The following TNFRSF10B variants were observed in gnomAD, a reference collection of about 807,000 sequenced individuals.
TNFRSF10B encodes the protein tumor necrosis factor receptor superfamily member 10B.
Under a neutral mutation model 41.4 loss-of-function variants are expected in TNFRSF10B, and 35 were observed. The observed-to-expected ratio is 0.85, with a 90% confidence interval of 0.65 to 1.12. The LOEUF (loss-of-function observed/expected upper bound fraction) is 1.12, where lower values mean the gene tolerates loss of function less well. TNFRSF10B is among the 50% of genes most tolerant of loss of function. The pLI, the probability that TNFRSF10B is intolerant of heterozygous loss-of-function variation, is 0.00. For missense variants in TNFRSF10B, 584 were observed against 552.7 expected (o/e 1.06, Z -0.57); for synonymous variants, 230 against 215.5 (o/e 1.07, Z -0.59).
At position 23,068,966 on chromosome 8, in the gene TNFRSF10B, G is replaced by A. The variant is rs771380556; in HGVS notation, c.-72C>T. 33 of 1,610,448 alleles carry A rather than the reference G, an allele frequency of 2.0e-5. No homozygotes were observed. The highest frequency in any genetic ancestry group is 1.5e-4 in the African/African-American group (11 of 74,872). On this transcript the variant is annotated 5_prime_UTR_variant, in exon 1 of 9. Transcript: ENST00000276431. ...CCCTTAAAGTAGATCGGGCATCGTC[G>A]GTGTATTTTGTGGGCGCAGAGATTG...
At chr8:23,050,612 CAG>C (rs796076031) in intron 1 of TNFRSF10B, among the ~76,000 whole-genome samples, 1 of 152,168 alleles carries the variant, frequency 6.6e-6, no homozygotes, top group African/African-American at 2.4e-5. Context: ...AGCTATTAAA[CAG>C]AAGCTACTCT....
At position 23,021,223 on chromosome 8, in the gene TNFRSF10B, CCTT is replaced by C. The variant is rs1209584182; in HGVS notation, c.*1445_*1447del. 6.6e-6 allele frequency: 3 copies of C among 454,076 alleles called. No individual in the cohort carries two copies. The highest frequency in any genetic ancestry group is 1.3e-5 in the Non-Finnish European group (3 of 226,790). 28.1% of individuals were successfully genotyped at this position (454,076 alleles called of 1,614,324 possible). A position where few individuals can be genotyped will look rare whatever the true frequency, so the allele number is the denominator to read the frequency against. On this transcript the variant is annotated 3_prime_UTR_variant, in exon 9 of 9. Transcript: ENST00000276431. ...AATAGAACAGGACACAAGAAGAAAACCTTAATGCGTCAGCCATTCTAGGTCCTG... is the reference window on the plus strand; with the variant it reads ...AATAGAACAGGACACAAGAAGAAAACAATGCGTCAGCCATTCTAGGTCCTG...
chr8:23,052,520 T>C (rs1812554303), intron 1 of TNFRSF10B, among the ~76,000 whole-genome samples: 1 of 151,910 alleles, frequency 6.6e-6, no homozygotes, highest in South Asian at 2.1e-4. Flanking sequence ...TCTCCTGACC[T>C]TGTGATCCGC....
At position 23,024,870 on chromosome 8, in the gene TNFRSF10B, G is replaced by A. The variant is rs187617470; in HGVS notation, c.937-610C>T. ...AAACCACATAGCAGAGGCCAGGCAT[G>A]GTGGCTCACACCTGTAATCCCAGCA... On this transcript the variant is annotated intron_variant, in intron 7 of 8. Transcript: ENST00000276431. Among the ~76,000 whole-genome samples, 7 of 152,108 alleles carry A rather than the reference G, an allele frequency of 4.6e-5. No homozygotes were observed. The East Asian group carries it at 1.4e-3, about 30-fold the overall frequency.
chr8:23,065,532 T>G (rs1394795835), intron 1 of TNFRSF10B, among the ~76,000 whole-genome samples: 1 of 152,208 alleles, frequency 6.6e-6, no homozygotes, highest in East Asian at 1.9e-4. Flanking sequence ...CTGGGAGATC[T>G]GCATGTTCCC....
intron 1 of TNFRSF10B, among the ~76,000 whole-genome samples, chr8:23,059,382 C>G (rs1812758524): frequency 6.6e-6 from 1 of 152,202 alleles, no homozygotes; most frequent in Non-Finnish European, 1.5e-5. Context: ...ATCTGCTAAT[C>G]CTGTTTTTAC....
intron 1 of TNFRSF10B, among the ~76,000 whole-genome samples, chr8:23,055,521 T>TAAAAAAAAAAAAAAAAAAAAA (rs34761330): frequency 8.3e-6 from 1 of 120,546 alleles, no homozygotes; most frequent in African/African-American, 3.1e-5. Context: ...ATTAAATGCT[T>TAAAAAAAAAAAAAAAAAAAAA]AAAAAAAAAA....
At chr8:23,024,834 T>G (rs1000526098) in intron 7 of TNFRSF10B, among the ~76,000 whole-genome samples, 1 of 151,350 alleles carries the variant, frequency 6.6e-6, no homozygotes, top group Non-Finnish European at 1.5e-5. Context: ...CACCTAGCCC[T>G]GATGAATGTT....
At chr8:23,037,841 TGTG>T (rs1812067204) in intron 2 of TNFRSF10B, among the ~76,000 whole-genome samples, 1 of 152,220 alleles carries the variant, frequency 6.6e-6, no homozygotes, top group African/African-American at 2.4e-5. Context: ...CTAGGATTCA[TGTG>T]TCCAGGAATC....
At chr8:23,053,040 G>GT (rs2128818788) in intron 1 of TNFRSF10B, among the ~76,000 whole-genome samples, 1 of 152,348 alleles carries the variant, frequency 6.6e-6, no homozygotes, top group South Asian at 2.1e-4. Context: ...GATTGTCTGT[G>GT]TAAGTTGTGA....
intron 1 of TNFRSF10B, among the ~76,000 whole-genome samples, chr8:23,045,938 A>C (rs1193068831): frequency 7.1e-6 from 1 of 141,610 alleles, no homozygotes; most frequent in Admixed American, 6.8e-5. Flanking sequence ...GAATGTATCA[A>C]CACAAAAAAA....
At chr8:23,053,487 A>C (rs1011845367) in intron 1 of TNFRSF10B, among the ~76,000 whole-genome samples, 6 of 91,104 alleles carry the variant, frequency 6.6e-5, no homozygotes, top group African/African-American at 2.3e-4. Flanking sequence ...TGGATAAAAT[A>C]AAAATGAAAG....
chr8:23,022,908 G>A lies in TNFRSF10B; in HGVS notation c.1086C>T (p.Gly362=). Reference sequence around the variant, plus strand: ...CCACCTTTATCTCATTGTCCATGAGGCCCAACTTCCTCATGAGCGGCTCCC... The same window carrying A: ...CCACCTTTATCTCATTGTCCATGAGACCCAACTTCCTCATGAGCGGCTCCC... The part of the protein sequence containing the change: ...DSWEPLMRKL[G]LMDNEIKVAK... Residue 362 remains glycine (G), a synonymous_variant, in exon 9 of 9, where the codon GGC becomes GGT. Coordinates refer to ENST00000276431, the MANE Select transcript of TNFRSF10B (RefSeq NM_003842.5). 6.2e-7 allele frequency: 1 copy of A among 1,614,030 alleles called. No individual in the cohort carries two copies.
chr8:23,061,091 G>A (rs953798731), intron 1 of TNFRSF10B, among the ~76,000 whole-genome samples: 2 of 152,024 alleles, frequency 1.3e-5, no homozygotes, highest in African/African-American at 2.4e-5. Context: ...AAGACATCCT[G>A]ATATCCCTGA....
intron 8 of TNFRSF10B, 142 bp from the exon 9 acceptor site, chr8:23,023,126 T>C (rs991911174): frequency 1.8e-6 from 2 of 1,085,334 alleles, no homozygotes; most frequent in Non-Finnish European, 2.7e-6. Flanking sequence ...GCCCACCCGC[T>C]TCCCATCCAC....
chr8:23,040,233 ATAC>A (rs1218321098), intron 2 of TNFRSF10B, among the ~76,000 whole-genome samples: 1 of 144,480 alleles, frequency 6.9e-6, no homozygotes, highest in African/African-American at 2.6e-5. Context: ...TTTAAGATAT[ATAC>A]TAAGTATATA....
intron 1 of TNFRSF10B, among the ~76,000 whole-genome samples, chr8:23,046,615 TAAAAAA>T (rs147614589): frequency 5.4e-5 from 7 of 129,844 alleles, no homozygotes; most frequent in African/African-American, 1.8e-4. Context: ...TATGCAACCA[TAAAAAA>T]AAAAAAAAAA....
chr8:23,062,166 A>G (rs149829967), intron 1 of TNFRSF10B, among the ~76,000 whole-genome samples: 148 of 152,250 alleles, frequency 9.7e-4, no homozygotes, highest in Middle Eastern at 3.4e-3. Flanking sequence ...TTTAATTAAT[A>G]GTATTGAAGA....
rs1217962343 is a variant in TNFRSF10B at position 23,021,557 on chromosome 8, G to C, written c.*1114C>G. ...TGACATAGACCCTATTGTTATGTGT[G>C]ATCTAACCCATCTGCCTCTGTCCCA... On this transcript the variant is annotated 3_prime_UTR_variant, in exon 9 of 9. Transcript: ENST00000276431. 2.2e-6 allele frequency: 1 copy of C among 454,008 alleles called. No individual in the cohort carries two copies. Among genetic ancestry groups the C allele is most frequent in the Admixed American group, 2.3e-5 (1 of 42,558 alleles). 28.1% of individuals were successfully genotyped at this position (454,008 alleles called of 1,614,324 possible).
Sources: gnomAD v4.1 joint callset for allele counts (sites outside exome capture counted in the v4.1 genomes callset) on GRCh38, gnomAD v4.1.1 for gene constraint, MANE v1.5 for transcripts, NCBI Gene and HGNC (gene_info 2026-07-23, HGNC 2026-07-21) for gene names.